The following TSNARE1 variants were observed in gnomAD, a reference collection of about 807,000 sequenced individuals.
TSNARE1 encodes t-SNARE domain containing 1.
Under a neutral mutation model 62.0 loss-of-function variants are expected in TSNARE1, and 49 were observed. The observed-to-expected ratio is 0.79, with a 90% CI of 0.63 to 1.00. The LOEUF (loss-of-function observed/expected upper bound fraction) is 1.00. Ranked by LOEUF, TSNARE1 falls within the 50% of genes least tolerant of loss-of-function variation. TSNARE1 has a pLI of 0.00. For missense variants in TSNARE1, 755 were observed against 700.1 expected, an observed-to-expected ratio of 1.08 and a Z score of -0.88; for synonymous variants, 328 against 294.4, an observed-to-expected ratio of 1.11 and a Z score of -1.17.
At chr8:142,279,269 C>T (rs1398663284) in intron 11 of TSNARE1, among the ~76,000 whole-genome samples, 1 of 152,208 alleles carries the variant, frequency 6.6e-6, no homozygotes, top group African/African-American at 2.4e-5. Context: ...GAGGGCTGCC[C>T]GTGGAGAGGA....
At chr8:142,228,197 C>T (rs1230988080) in intron 13 of TSNARE1, among the ~76,000 whole-genome samples, 4 of 152,262 alleles carry the variant, frequency 2.6e-5, no homozygotes, top group Admixed American at 2.6e-4. Flanking sequence ...AGCTAAGCCG[C>T]TTCCAAATCT....
At chr8:142,314,762 T>G (rs1413235194) in intron 8 of TSNARE1, among the ~76,000 whole-genome samples, 1 of 152,242 alleles carries the variant, frequency 6.6e-6, no homozygotes, top group Non-Finnish European at 1.5e-5. Flanking sequence ...TTGTTCTTCC[T>G]GCTTCCCCAG....
At chr8:142,278,356 G>A (rs557253477) in intron 11 of TSNARE1, 30 of 985,446 alleles carry the variant, frequency 3.0e-5, no homozygotes, top group African/African-American at 2.4e-4. Flanking sequence ...GGCGTTTGAG[G>A]CCAGCCCCTG....
chr8:142,219,945 G>T (rs556854515), intron 13 of TSNARE1, among the ~76,000 whole-genome samples: 6 of 152,250 alleles, frequency 3.9e-5, no homozygotes, highest in African/African-American at 1.2e-4. Flanking sequence ...AGCAGGAGGT[G>T]AGGAAGAGAC....
intron 6 of TSNARE1, chr8:142,325,913 G>A (rs972616860): frequency 7.9e-5 from 13 of 164,082 alleles, no homozygotes; most frequent in East Asian, 3.9e-4. Context: ...CAGCACCAGC[G>A]AAGGGGAGGG....
intron 2 of TSNARE1, among the ~76,000 whole-genome samples, chr8:142,350,910 G>A (rs188743760): frequency 8.5e-5 from 13 of 152,310 alleles, no homozygotes; most frequent in African/African-American, 2.4e-4. Flanking sequence ...ACGGGATCTC[G>A]GGAGGCTCCA....
At chr8:142,306,074 G>A (rs1826619725) in intron 9 of TSNARE1, among the ~76,000 whole-genome samples, 1 of 152,226 alleles carries the variant, frequency 6.6e-6, no homozygotes, top group Non-Finnish European at 1.5e-5. Flanking sequence ...GAGTGGTGGT[G>A]TCTTTTCAGG....
chr8:142,383,179 C>T (rs369014480), intron 1 of TSNARE1, among the ~76,000 whole-genome samples: 1 of 152,114 alleles, frequency 6.6e-6, no homozygotes, highest in Non-Finnish European at 1.5e-5. Flanking sequence ...GCCACAGGAC[C>T]TAAGGGAGGG....
At chr8:142,262,315 A>T (rs1293075037) in intron 12 of TSNARE1, among the ~76,000 whole-genome samples, 2 of 151,446 alleles carry the variant, frequency 1.3e-5, no homozygotes, top group Non-Finnish European at 2.9e-5. Context: ...CACTCTTCCT[A>T]TCCATGAACG....
intron 4 of TSNARE1, among the ~76,000 whole-genome samples, chr8:142,337,948 C>G (rs1483483936): frequency 6.6e-6 from 1 of 152,226 alleles, no homozygotes; most frequent in Non-Finnish European, 1.5e-5. Context: ...GGCCGGGGAC[C>G]TAAGGGAGGT....
chr8:142,352,844 G>T (rs958591540), intron 2 of TSNARE1, among the ~76,000 whole-genome samples: 1 of 152,186 alleles, frequency 6.6e-6, no homozygotes, highest in African/African-American at 2.4e-5. Context: ...AGGAGCAGGG[G>T]CCTGGGGGTC....
chr8:142,253,380 G>A (rs549826113), intron 12 of TSNARE1, among the ~76,000 whole-genome samples: 1 of 152,336 alleles, frequency 6.6e-6, no homozygotes, highest in South Asian at 2.1e-4. Context: ...TTCCGGGCAT[G>A]AGGCCTTCCT....
rs780527705 is a variant in TSNARE1 at position 142,344,362 on chromosome 8, T to C, written c.349A>G (p.Ser117Gly). The change falls in exon 4 of 14, where the codon AGC becomes GGC. Residue 117 changes from serine to glycine, a missense_variant. By Grantham distance (56) the Ser-to-Gly change is moderately conservative. Transcript: ENST00000524325. ...AGPHGRMAGP[S>G]TTRAKKRKPN... ...TTCCTCTTCTTGGCCCGGGTAGTGC[T>C]GGGCCCCGCCATCCGGCCATGGGGC... is the stretch of plus-strand genomic sequence containing the variant. 5 of 1,569,676 alleles carry C rather than the reference T, an allele frequency of 3.2e-6. No individual in the cohort carries two copies. The South Asian group carries it at 5.9e-5, about 19-fold the overall frequency.
chr8:142,381,511 G>A (rs1836746669), intron 1 of TSNARE1, among the ~76,000 whole-genome samples: 1 of 152,148 alleles, frequency 6.6e-6, no homozygotes, highest in Non-Finnish European at 1.5e-5. Flanking sequence ...GGTCAGGGTG[G>A]GCTCAGGGAC....
At position 142,221,817 on chromosome 8, in the gene TSNARE1, TCATTCACTCACTCACTCATC is replaced by T. The variant is rs1317496872; in HGVS notation, c.*11+7636_*11+7655del. Among the ~76,000 whole-genome samples the T allele has an allele frequency of 6.9e-4, 41 of 59,786 alleles. 1 individual carries two copies. In the East Asian group the frequency reaches 0.016, roughly 24 times the overall value. The allele number at this position is 59,786 out of a possible 152,430, so 39.2% of individuals were successfully genotyped here. Reference sequence around the variant, plus strand: ...CTCATTCACTCACTCATCCACTCACTCATTCACTCACTCACTCATCCACTCATTCACTCACTCATCCACTC... The same window carrying T: ...CTCATTCACTCACTCATCCACTCACTCACTCATTCACTCACTCATCCACTC... On this transcript the variant is annotated intron_variant, in intron 13 of 13. Coordinates refer to ENST00000524325, the MANE Select transcript of TSNARE1 (RefSeq NM_145003.5).
At chr8:142,349,985 G>T (rs1833877720) in intron 2 of TSNARE1, among the ~76,000 whole-genome samples, 1 of 147,220 alleles carries the variant, frequency 6.8e-6, no homozygotes, top group Non-Finnish European at 1.5e-5. Context: ...GGCAAGGCTG[G>T]GACCAGGGCA....
At chr8:142,233,976 G>A (rs59659264) in intron 12 of TSNARE1, among the ~76,000 whole-genome samples, 2 of 152,188 alleles carry the variant, frequency 1.3e-5, no homozygotes, top group South Asian at 2.1e-4. Context: ...GTGGAGCTGT[G>A]GGGGGCGGAT....
At chr8:142,396,262 C>T (rs548454079) in intron 1 of TSNARE1, among the ~76,000 whole-genome samples, 4 of 152,232 alleles carry the variant, frequency 2.6e-5, no homozygotes, top group Admixed American at 2.0e-4. Flanking sequence ...CACACACCCG[C>T]GCACCTGGCC....
At chr8:142,318,736 G>T in intron 6 of TSNARE1, 102 bp from the exon 7 acceptor site, 1 of 1,040,960 alleles carries the variant, frequency 9.6e-7, no homozygotes. Flanking sequence ...GGCCGAGTGG[G>T]GGAGACAGAG....
Sources: gnomAD v4.1 joint callset for allele counts (sites outside exome capture counted in the v4.1 genomes callset) on GRCh38, gnomAD v4.1.1 for gene constraint, MANE v1.5 for transcripts, NCBI Gene and HGNC (gene_info 2026-07-23, HGNC 2026-07-21) for gene names.